The following DEPDC4 variants were observed in gnomAD, a reference collection of about 807,000 sequenced individuals.
DEPDC4 encodes the protein DEP domain-containing protein 4.
Under a neutral mutation model 52.0 loss-of-function variants are expected in DEPDC4, and 52 were observed. The observed-to-expected ratio is 1.00, with a 90% CI of 0.80 to 1.26. The LOEUF is 1.26. DEPDC4 is among the 50% of genes most tolerant of loss of function. The probability of loss-of-function intolerance (pLI) is 0.00; values close to 1 mark genes in which losing one functional copy is unlikely to be tolerated. For synonymous variants in DEPDC4, 201 were observed against 196.8 expected (o/e 1.02, Z -0.18); for missense variants, 530 against 546.9 (o/e 0.97, Z 0.31).
chr12:100,256,151 G>C lies in DEPDC4; in HGVS notation c.776C>G (p.Pro259Arg). The C allele has an allele frequency of 6.2e-7, 1 of 1,612,824 alleles. No individual in the cohort carries two copies. ...HLPFLDNILE[P>R]PVKTQNLQLN... ...TTGAAGATTTTGTGTTTTAACTGGA[G>C]GCTCCAAAATATTGTCCAAGAATGG... The change falls in exon 4 of 10, where the codon CCT (proline) becomes CGT (arginine). Residue 259 changes from proline to arginine, a missense_variant. Coordinates refer to ENST00000550587, the MANE Select transcript of DEPDC4 (RefSeq NM_001364818.2).
upstream of DEPDC4, among the ~76,000 whole-genome samples, chr12:100,269,750 A>G (rs1441883747): frequency 2.0e-5 from 3 of 152,136 alleles, no homozygotes; most frequent in Non-Finnish European, 4.4e-5. Flanking sequence ...TAACCATGTA[A>G]CTTAATTTTA....
rs61940535 is a variant in DEPDC4, at chr12:100,257,950, T to A, written c.701-1724A>T. Among the ~76,000 whole-genome samples, 1,442 of 151,396 alleles carry A rather than the reference T, an allele frequency of 9.5e-3. 17 individuals carry two copies. Among genetic ancestry groups the A allele is most frequent in the Non-Finnish European group, 0.016 (1,081 of 67,948 alleles). On this transcript the variant is annotated intron_variant, in intron 3 of 9. Transcript: ENST00000550587. ...AAAATTAATGTATAAAAACGGGAGA[T>A]TTCATGTGAAATTCTAAAATGTATT...
chr12:100,261,651 G>A (rs1002783481), intron 3 of DEPDC4: 4 of 454,766 alleles, frequency 8.8e-6, no homozygotes, highest in Non-Finnish European at 1.3e-5. Context: ...TTGCAGTGCA[G>A]ACTATAGCAC....
chr12:100,280,486 T>A, the DEPDC4 span, among the ~76,000 whole-genome samples: 6 of 152,316 alleles, frequency 3.9e-5, no homozygotes, highest in Admixed American at 3.3e-4. Context: ...AAAGTCTTCA[T>A]GTAACCCTAG....
the DEPDC4 span, among the ~76,000 whole-genome samples, chr12:100,276,954 C>G: frequency 6.6e-6 from 1 of 152,028 alleles, no homozygotes; most frequent in Non-Finnish European, 1.5e-5. Flanking sequence ...TTTTCATTCT[C>G]TTCAAAATAT....
intron 9 of DEPDC4, among the ~76,000 whole-genome samples, chr12:100,234,253 G>A (rs549420043): frequency 9.8e-5 from 15 of 152,314 alleles, no homozygotes; most frequent in African/African-American, 3.6e-4. Context: ...GGATTTTGCA[G>A]TCAGAGAGAG....
At position 100,232,526 on chromosome 12, in the gene DEPDC4, C is replaced by T. The variant is rs116977552; in HGVS notation, c.*699+5442G>A. 2.3e-3 allele frequency among the ~76,000 whole-genome samples: 353 copies of T among 152,246 alleles called. 7 individuals are homozygous for T. In the East Asian group the frequency reaches 0.04, roughly 17 times the overall value. On this transcript the variant is annotated intron_variant and NMD_transcript_variant, in intron 9 of 10. Transcript: ENST00000378244. ...AATTAATTTATTAGGTATGGAAAGG[C>T]GTCATTGTGTAACAAGCACTCCAGG...
intron 3 of DEPDC4, among the ~76,000 whole-genome samples, chr12:100,257,975 T>TGATAGATA (rs3054280): frequency 6.0e-5 from 9 of 149,210 alleles, no homozygotes; most frequent in Non-Finnish European, 8.9e-5. Flanking sequence ...TAAAATGTAT[T>TGATAGATA]GATAGATAGA....
the DEPDC4 span, among the ~76,000 whole-genome samples, chr12:100,278,976 T>A: frequency 6.6e-6 from 1 of 152,192 alleles, no homozygotes; most frequent in African/African-American, 2.4e-5. Context: ...TTACTTGTTT[T>A]CTGTGGCTGC....
At chr12:100,236,115 C>T (rs1339069760), downstream of DEPDC4, among the ~76,000 whole-genome samples, 2 of 152,254 alleles carry the variant, frequency 1.3e-5, no homozygotes, top group Admixed American at 6.5e-5. Context: ...GGGCTGGTTC[C>T]GTATTTTTGC....
intron 5 of DEPDC4, among the ~76,000 whole-genome samples, 189 bp from the exon 6 acceptor site, chr12:100,252,725 T>A (rs1184117820): frequency 1.3e-5 from 2 of 152,258 alleles, no homozygotes; most frequent in Non-Finnish European, 2.9e-5. Context: ...CTATGTAATA[T>A]GCGATGTAGC....
chr12:100,262,135 G>T, intron 3 of DEPDC4, 129 bp downstream of exon 3: 1 of 839,932 alleles, frequency 1.2e-6, no homozygotes, highest in Non-Finnish European at 1.8e-6. Context: ...GTGAGTGGAA[G>T]CAAGGGGTAT....
chr12:100,273,378 C>T, the DEPDC4 span, among the ~76,000 whole-genome samples: 2,592 of 152,188 alleles, frequency 0.017, 73 homozygotes, highest in African/African-American at 0.058. Context: ...TATTCTGTAG[C>T]GTTTTATCAC....
At chr12:100,271,791 G>T (rs1592923109), upstream of DEPDC4, among the ~76,000 whole-genome samples, 2 of 152,330 alleles carry the variant, frequency 1.3e-5, no homozygotes, top group South Asian at 2.1e-4. Context: ...AGCTTGGGAA[G>T]CTGGGGAAAA....
chr12:100,255,523 T>C (rs2096228935), intron 4 of DEPDC4, among the ~76,000 whole-genome samples: 1 of 152,220 alleles, frequency 6.6e-6, no homozygotes, highest in African/African-American at 2.4e-5. Context: ...CAAGGTCTAA[T>C]GCCTATAGTT....
At chr12:100,277,840 T>C in the DEPDC4 span, among the ~76,000 whole-genome samples, 1 of 152,176 alleles carries the variant, frequency 6.6e-6, no homozygotes, top group Non-Finnish European at 1.5e-5. Flanking sequence ...ACTAACTAAA[T>C]TTTATCTCTA....
At chr12:100,251,549 A>G (rs1409838446) in intron 7 of DEPDC4, among the ~76,000 whole-genome samples, 1 of 150,142 alleles carries the variant, frequency 6.7e-6, no homozygotes, top group Non-Finnish European at 1.5e-5. Context: ...CTGGGACCAC[A>G]GGTGTGTGCC....
At chr12:100,245,436 T>A (rs2096181049) in intron 8 of DEPDC4, among the ~76,000 whole-genome samples, 1 of 152,074 alleles carries the variant, frequency 6.6e-6, no homozygotes. Flanking sequence ...TGGGCTAATC[T>A]TTGTATTTTT....
the DEPDC4 span, among the ~76,000 whole-genome samples, chr12:100,281,678 GA>G: frequency 6.6e-6 from 1 of 151,898 alleles, no homozygotes; most frequent in Non-Finnish European, 1.5e-5. Flanking sequence ...CTAGAAAATA[GA>G]AAAAATTAGC....
Sources: allele counts gnomAD v4.1 joint callset (sites outside exome capture counted in the v4.1 genomes callset), GRCh38; gene constraint gnomAD v4.1.1; transcripts MANE v1.5; gene names NCBI Gene and HGNC (gene_info 2026-07-23, HGNC 2026-07-21).